The following HMBOX1 variants were observed in gnomAD, a reference collection of about 807,000 sequenced individuals.
The protein encoded by HMBOX1 is homeobox containing 1.
In HMBOX1, 14 loss-of-function variants were observed where a neutral mutation model predicts 54.5. The ratio of observed to expected loss-of-function variants is 0.26; its 90% CI spans 0.17 to 0.40. HMBOX1 has a LOEUF of 0.40. HMBOX1 is among the 10% of genes least tolerant of loss of function. The probability of loss-of-function intolerance (pLI) is 1.00; values close to 1 mark genes in which losing one functional copy is unlikely to be tolerated. For synonymous variants in HMBOX1, 160 were observed against 181.0 expected, an observed-to-expected ratio of 0.88 and a Z score of 0.93; for missense variants, 332 against 514.4, an observed-to-expected ratio of 0.65 and a Z score of 3.43.
At chr8:28,922,327 G>T (rs1276246397) in intron 1 of HMBOX1, among the ~76,000 whole-genome samples, 1 of 152,182 alleles carries the variant, frequency 6.6e-6, no homozygotes, top group Non-Finnish European at 1.5e-5. Context: ...TAAGGGATTT[G>T]AGCATCCATG....
At chr8:28,940,291 G>A (rs1821141544) in intron 1 of HMBOX1, among the ~76,000 whole-genome samples, 2 of 152,148 alleles carry the variant, frequency 1.3e-5, no homozygotes, top group Admixed American at 6.5e-5. Flanking sequence ...ACAGGCATGA[G>A]CCCACCGCAC....
chr8:28,969,528 G>A (rs1167803299), intron 2 of HMBOX1, among the ~76,000 whole-genome samples: 1 of 127,494 alleles, frequency 7.8e-6, no homozygotes, highest in Non-Finnish European at 1.9e-5. Context: ...GCATTTGCTT[G>A]GACTTAGCTT....
At chr8:29,047,562 CTCTT>C (rs1381023562) in intron 8 of HMBOX1, 109 bp downstream of exon 8, 14 of 414,448 alleles carry the variant, frequency 3.4e-5, no homozygotes, top group Middle Eastern at 6.1e-4. Context: ...ATCCTAACTT[CTCTT>C]TTTTTTTTTT....
At chr8:28,915,423 G>A (rs1816331773) in intron 1 of HMBOX1, among the ~76,000 whole-genome samples, 1 of 151,736 alleles carries the variant, frequency 6.6e-6, no homozygotes, top group Non-Finnish European at 1.5e-5. Flanking sequence ...CGGGCATGGT[G>A]GCAGGTGCCT....
chr8:29,042,297 AGAG>A (rs1451744506), intron 6 of HMBOX1, among the ~76,000 whole-genome samples: 1 of 152,224 alleles, frequency 6.6e-6, no homozygotes, highest in African/African-American at 2.4e-5. Context: ...TTGACCTTGA[AGAG>A]GAGGAGAATG....
At chr8:28,942,693 G>C (rs959707063) in intron 1 of HMBOX1, among the ~76,000 whole-genome samples, 1 of 151,700 alleles carries the variant, frequency 6.6e-6, no homozygotes, top group South Asian at 2.1e-4. Context: ...AGCACATAAC[G>C]AATTTTCTTA....
intron 6 of HMBOX1, among the ~76,000 whole-genome samples, chr8:29,022,858 A>T (rs1801398190): frequency 6.7e-6 from 1 of 148,584 alleles, no homozygotes; most frequent in Non-Finnish European, 1.5e-5. Flanking sequence ...ATCAAAATTT[A>T]AAATCAGGGA....
intron 4 of HMBOX1, among the ~76,000 whole-genome samples, chr8:28,990,700 G>A (rs1385496872): frequency 6.6e-6 from 1 of 151,972 alleles, no homozygotes; most frequent in South Asian, 2.1e-4. Context: ...CTGTCTCCCA[G>A]GCTGGAGTGG....
intron 6 of HMBOX1, among the ~76,000 whole-genome samples, chr8:29,033,311 ATGGAATGACTCGGG>A (rs1803308666): frequency 6.6e-6 from 1 of 152,180 alleles, no homozygotes; most frequent in Non-Finnish European, 1.5e-5. Flanking sequence ...TATACTCCTT[ATGGAATGACTCGGG>A]TGGAACATAA....
intron 6 of HMBOX1, among the ~76,000 whole-genome samples, chr8:29,032,370 T>C (rs916583198): frequency 2.0e-5 from 3 of 152,066 alleles, no homozygotes; most frequent in Non-Finnish European, 2.9e-5. Flanking sequence ...TAGCCTTCTT[T>C]AAGACAGAAG....
At chr8:28,999,571 C>T (rs1832333519) in intron 4 of HMBOX1, among the ~76,000 whole-genome samples, 1 of 152,030 alleles carries the variant, frequency 6.6e-6, no homozygotes, top group Admixed American at 6.6e-5. Flanking sequence ...CCATTTTCTT[C>T]ATTCTTTTTT....
chr8:29,017,831 A>G (rs1055336272), intron 5 of HMBOX1, among the ~76,000 whole-genome samples: 2 of 152,230 alleles, frequency 1.3e-5, no homozygotes, highest in African/African-American at 4.8e-5. Context: ...AAGGTACAAT[A>G]AAGAGAGTAT....
intron 4 of HMBOX1, among the ~76,000 whole-genome samples, chr8:29,003,665 G>C (rs1833020436): frequency 6.7e-6 from 1 of 148,876 alleles, no homozygotes; most frequent in Non-Finnish European, 1.5e-5. Flanking sequence ...GGAAATAAGG[G>C]GTGGGAGTGG....
intron 1 of HMBOX1, among the ~76,000 whole-genome samples, chr8:28,961,841 G>A (rs531568584): frequency 6.8e-6 from 1 of 147,128 alleles, no homozygotes; most frequent in South Asian, 2.2e-4. Flanking sequence ...TGCCACACTT[G>A]TTATTTTATG....
At chr8:28,967,308 C>T (rs1190227730) in intron 2 of HMBOX1, among the ~76,000 whole-genome samples, 1 of 152,132 alleles carries the variant, frequency 6.6e-6, no homozygotes, top group Non-Finnish European at 1.5e-5. Context: ...TATTGTTTCT[C>T]CTTTTATGAC....
At chr8:28,942,991 C>T (rs182730936) in intron 1 of HMBOX1, among the ~76,000 whole-genome samples, 20 of 152,222 alleles carry the variant, frequency 1.3e-4, no homozygotes, top group African/African-American at 4.1e-4. Context: ...GTCTCTGATT[C>T]CTAGCTTCTA....
At chr8:29,009,496 T>C (rs997882922) in intron 5 of HMBOX1, 12 of 887,564 alleles carry the variant, frequency 1.4e-5, no homozygotes, top group African/African-American at 1.8e-5. Flanking sequence ...TTTCTTCAAC[T>C]ACATAACTAC....
chr8:29,035,362 A>T lies in HMBOX1; in HGVS notation c.852-9999A>T, dbSNP rs191813792. On this transcript the variant is annotated intron_variant, in intron 6 of 9. Coordinates refer to ENST00000287701, the MANE Select transcript of HMBOX1 (RefSeq NM_001135726.3). ...GACCAGTTTATAATTCAGCACTTTT[A>T]AAAAAAAGAATAGTCTCCCTGCCTT... Among the ~76,000 whole-genome samples, 489 of 152,156 alleles carry T rather than the reference A, an allele frequency of 3.2e-3. 2 individuals are homozygous for T. The highest frequency in any genetic ancestry group is 0.025 in the South Asian group (118 of 4,814).
chr8:28,952,982 TTCTGCTAAGACAAGGGAAG>T (rs1399228557), intron 1 of HMBOX1, among the ~76,000 whole-genome samples: 1 of 152,182 alleles, frequency 6.6e-6, no homozygotes, highest in African/African-American at 2.4e-5. Context: ...AGAACTACAG[TTCTGCTAAGACAAGGGAAG>T]TCCGTTAGCT....
Sources: gnomAD v4.1 joint callset for allele counts (sites outside exome capture counted in the v4.1 genomes callset) on GRCh38, gnomAD v4.1.1 for gene constraint, MANE v1.5 for transcripts, NCBI Gene and HGNC (gene_info 2026-07-23, HGNC 2026-07-21) for gene names.